IL1RAPL1: variants seen among roughly 807,000 people sequenced by gnomAD.
The protein encoded by IL1RAPL1 is interleukin 1 receptor accessory protein like 1.
IL1RAPL1 carries 3 observed loss-of-function variants against 48.4 expected under a neutral mutation model. The ratio of observed to expected loss-of-function variants is 0.06; its 90% CI spans 0.03 to 0.16. IL1RAPL1 has a LOEUF of 0.16. Among genes scored for constraint, IL1RAPL1 ranks in the 10% least tolerant of loss-of-function variants. The pLI, the probability that IL1RAPL1 is intolerant of heterozygous loss-of-function variation, is 1.00. For missense variants in IL1RAPL1, 349 were observed against 530.6 expected (o/e 0.66, Z 3.36); for synonymous variants, 185 against 187.7 (o/e 0.99, Z 0.12).
intron 2 of IL1RAPL1, among the ~76,000 whole-genome samples, chrX:29,109,622 G>T (rs1415517293): frequency 9.0e-6 from 1 of 111,083 alleles, no homozygotes; most frequent in Non-Finnish European, 1.9e-5. Flanking sequence ...GCTGTCTCTT[G>T]CATATTAACC....
At chrX:29,290,975 C>A (rs889497295) in intron 3 of IL1RAPL1, among the ~76,000 whole-genome samples, 15 of 111,729 alleles carry the variant, frequency 1.3e-4, no homozygotes, top group African/African-American at 3.9e-4. Context: ...AAGAGTCAAC[C>A]TTTGACCCTT....
At chrX:29,278,492 A>G (rs1932151358) in intron 2 of IL1RAPL1, among the ~76,000 whole-genome samples, 1 of 112,000 alleles carries the variant, frequency 8.9e-6, no homozygotes, top group African/African-American at 3.2e-5. Flanking sequence ...GATATGTTGA[A>G]CTGGAGTATT....
rs762918998 is a variant in IL1RAPL1, at chrX:29,319,364, A to ATTTTTTTTTTTTTTTTTTTTT, written c.362+36167_362+36168insTTTTTTTTTTTTTTTTTTTTT. Among the ~76,000 whole-genome samples the ATTTTTTTTTTTTTTTTTTTTT allele has an allele frequency of 1.5e-3, 87 of 58,141 alleles. 6 individuals carry two copies. Among genetic ancestry groups the ATTTTTTTTTTTTTTTTTTTTT allele is most frequent in the Non-Finnish European group, 1.8e-3 (57 of 32,564 alleles). 50.5% of individuals were successfully genotyped at this position (58,141 alleles called of 115,157 possible). A position where few individuals can be genotyped will look rare whatever the true frequency, so the allele number is the denominator to read the frequency against. ...ACCCCACTGCATGTAGATAAATTTAATTTTTTTTTTTTTTTTTTTTGTAGA... is the reference window on the plus strand; with the variant it reads ...ACCCCACTGCATGTAGATAAATTTAATTTTTTTTTTTTTTTTTTTTTTTTTTTTTTTTTTTTTTTTTGTAGA... On this transcript the variant is annotated intron_variant, in intron 3 of 10. Coordinates refer to ENST00000378993, the MANE Select transcript of IL1RAPL1 (RefSeq NM_014271.4).
intron 3 of IL1RAPL1, among the ~76,000 whole-genome samples, chrX:29,286,043 A>G (rs1312252798): frequency 8.9e-6 from 1 of 112,165 alleles, no homozygotes; most frequent in African/African-American, 3.2e-5. Flanking sequence ...AAATATTCTG[A>G]GTATTAACTT....
intron 6 of IL1RAPL1, among the ~76,000 whole-genome samples, chrX:29,731,681 C>T (rs950918787): frequency 5.3e-5 from 6 of 112,389 alleles, no homozygotes; most frequent in Admixed American, 9.4e-5. Context: ...GAGCTGGTCA[C>T]GTGCTCTGAC....
intron 1 of IL1RAPL1, among the ~76,000 whole-genome samples, chrX:28,701,129 A>G (rs1935290392): frequency 9.0e-6 from 1 of 111,546 alleles, no homozygotes; most frequent in African/African-American, 3.3e-5. Flanking sequence ...GAATCTCCAC[A>G]TTGTCTTCCA....
intron 1 of IL1RAPL1, among the ~76,000 whole-genome samples, chrX:28,630,033 G>T: frequency 9.0e-6 from 1 of 111,367 alleles, no homozygotes; most frequent in East Asian, 2.8e-4. Context: ...GGAAATTATT[G>T]TCATAGCGGG....
chrX:29,953,518 A>AT (rs1490973875), intron 9 of IL1RAPL1, among the ~76,000 whole-genome samples: 8 of 111,951 alleles, frequency 7.1e-5, no homozygotes, highest in African/African-American at 2.6e-4. Flanking sequence ...GAGAAATGAG[A>AT]TTTTAGAACT....
At chrX:29,064,507 G>A (rs991294771) in intron 2 of IL1RAPL1, among the ~76,000 whole-genome samples, 1 of 111,777 alleles carries the variant, frequency 8.9e-6, no homozygotes, top group Non-Finnish European at 1.9e-5. Context: ...GTATTTTAAA[G>A]AAGTTGGTAG....
chrX:29,766,606 TTTGCTCAC>T (rs1381847601), intron 6 of IL1RAPL1, among the ~76,000 whole-genome samples: 2 of 96,765 alleles, frequency 2.1e-5, no homozygotes, highest in African/African-American at 7.6e-5. Flanking sequence ...ATTTCTTACA[TTTGCTCAC>T]TTGCTCACTC....
chrX:29,615,562 A>C (rs1924261773), intron 5 of IL1RAPL1, among the ~76,000 whole-genome samples: 1 of 111,175 alleles, frequency 9.0e-6, no homozygotes, highest in Non-Finnish European at 1.9e-5. Flanking sequence ...TTGGGAAACT[A>C]AGTGAGGGCA....
intron 1 of IL1RAPL1, among the ~76,000 whole-genome samples, chrX:28,642,089 A>T (rs1370695496): frequency 9.0e-6 from 1 of 111,707 alleles, no homozygotes; most frequent in Admixed American, 9.5e-5. Context: ...TGGTAAAGAG[A>T]TCAATGCAAC....
chrX:29,841,808 G>GT (rs1931142312), intron 6 of IL1RAPL1, among the ~76,000 whole-genome samples: 1 of 111,281 alleles, frequency 9.0e-6, no homozygotes, highest in African/African-American at 3.3e-5. Context: ...GCTTTCCAAG[G>GT]TTACCCCCAG....
At chrX:29,792,882 A>G (rs1929667702) in intron 6 of IL1RAPL1, among the ~76,000 whole-genome samples, 1 of 111,976 alleles carries the variant, frequency 8.9e-6, no homozygotes, top group Non-Finnish European at 1.9e-5. Context: ...GATGCTAGAA[A>G]ATATTAGAAA....
intron 1 of IL1RAPL1, among the ~76,000 whole-genome samples, chrX:28,640,397 G>T (rs1203768526): frequency 9.0e-6 from 1 of 110,911 alleles, no homozygotes; most frequent in Non-Finnish European, 1.9e-5. Context: ...CCAGGCTGGA[G>T]TGCAGTGGTG....
rs185811404 is a variant in IL1RAPL1, at chrX:29,672,240, G to A, written c.778+3736G>A. On this transcript the variant is annotated intron_variant, in intron 6 of 10. Coordinates refer to ENST00000378993, the MANE Select transcript of IL1RAPL1 (RefSeq NM_014271.4). Reference sequence around the variant, plus strand: ...ACAAATTCCTAAAAGTAAAAATACTGGGTAAAAAGAAATAATTTTGTTAAA... The same window carrying A: ...ACAAATTCCTAAAAGTAAAAATACTAGGTAAAAAGAAATAATTTTGTTAAA... Among the ~76,000 whole-genome samples, 286 of 111,334 alleles carry A rather than the reference G, an allele frequency of 2.6e-3. 2 individuals carry two copies. Among genetic ancestry groups the A allele is most frequent in the Non-Finnish European group, 2.0e-3 (108 of 52,998 alleles).
intron 1 of IL1RAPL1, among the ~76,000 whole-genome samples, chrX:28,733,493 A>T (rs7055475): frequency 2.7e-5 from 3 of 110,856 alleles, no homozygotes; most frequent in South Asian, 3.8e-4. Flanking sequence ...ACATTGCTGA[A>T]TTAGACCCAA....
chrX:29,771,803 C>T (rs7063118), intron 6 of IL1RAPL1, among the ~76,000 whole-genome samples: 1,552 of 111,233 alleles, frequency 0.014, 29 homozygotes, highest in African/African-American at 0.049. Flanking sequence ...AAAGACATAC[C>T]CAAGACTGGG....
At chrX:28,997,878 A>G (rs946591018) in intron 2 of IL1RAPL1, among the ~76,000 whole-genome samples, 4 of 111,600 alleles carry the variant, frequency 3.6e-5, no homozygotes, top group African/African-American at 1.3e-4. Flanking sequence ...GCCAGTTTTG[A>G]AGGAGTCTCC....
Sources: gnomAD v4.1 joint callset for allele counts (sites outside exome capture counted in the v4.1 genomes callset) on GRCh38, gnomAD v4.1.1 for gene constraint, MANE v1.5 for transcripts, NCBI Gene and HGNC (gene_info 2026-07-23, HGNC 2026-07-21) for gene names.